The following ERC1 variants were observed in gnomAD, a reference collection of about 807,000 sequenced individuals.
The protein encoded by ERC1 is ELKS/RAB6-interacting/CAST family member 1.
Under a neutral mutation model 132.0 loss-of-function variants are expected in ERC1, and 56 were observed. The ratio of observed to expected loss-of-function variants is 0.42; its 90% CI spans 0.34 to 0.53. The LOEUF is 0.53. Ranked by LOEUF, ERC1 falls within the 20% of genes least tolerant of loss-of-function variation. The pLI is 0.03. For missense variants in ERC1, 1,202 were observed against 1,349.9 expected, an observed-to-expected ratio of 0.89 and a Z score of 1.72; for synonymous variants, 478 against 476.1, an observed-to-expected ratio of 1.00 and a Z score of -0.05.
chr12:1,236,976 T>G (rs1356646271), intron 13 of ERC1, 72 bp downstream of exon 13: 5 of 1,553,182 alleles, frequency 3.2e-6, no homozygotes, highest in Non-Finnish European at 4.4e-6. Flanking sequence ...TGTTTTTCTC[T>G]TCATCTTTAT....
At chr12:1,119,491 G>C (rs1478328307) in intron 7 of ERC1, among the ~76,000 whole-genome samples, 1 of 149,474 alleles carries the variant, frequency 6.7e-6, no homozygotes, top group Non-Finnish European at 1.5e-5. Flanking sequence ...TGACCTTAGA[G>C]GAGTTACTTT....
Position 1,444,645 on chromosome 12 carries a change from C to G in ERC1, c.3108C>G (p.Asp1036Glu), listed in dbSNP as rs750770289. 44 of 1,613,976 alleles carry G rather than the reference C, an allele frequency of 2.7e-5. No individual in the cohort carries two copies. Among genetic ancestry groups the G allele is most frequent in the Non-Finnish European group, 3.6e-5 (42 of 1,179,952 alleles). ...YIGHLTTLCH[D>E]RDPLILRGLT... is the part of the protein sequence containing the mutation. ...GACACCTGACAACCCTCTGCCATGA[C>G]CGAGACCCCCTGATCCTCCGTGGAC... The change falls in exon 18 of 19, where the codon GAC becomes GAG. Residue 1036 changes from aspartate to glutamate, a missense_variant. Physicochemically the swap from Asp to Glu is conservative, Grantham distance 45. Transcript: ENST00000360905.
intron 18 of ERC1, among the ~76,000 whole-genome samples, chr12:1,472,323 A>G (rs2093878932): frequency 6.6e-6 from 1 of 152,118 alleles, no homozygotes; most frequent in African/African-American, 2.4e-5. Context: ...AACCTTTGAA[A>G]ATGAATGGCA....
chr12:1,221,928 G>A (rs1421933315), intron 12 of ERC1, among the ~76,000 whole-genome samples: 1 of 152,136 alleles, frequency 6.6e-6, no homozygotes. Context: ...TCACTATGTG[G>A]TATCATTGTA....
intron 18 of ERC1, among the ~76,000 whole-genome samples, chr12:1,479,113 T>A (rs949983255): frequency 6.6e-6 from 1 of 152,182 alleles, no homozygotes; most frequent in Non-Finnish European, 1.5e-5. Context: ...GTAGGGTTTT[T>A]CCGTGTTCTC....
intron 16 of ERC1, among the ~76,000 whole-genome samples, chr12:1,403,865 T>C (rs1326141597): frequency 1.3e-5 from 2 of 152,238 alleles, no homozygotes; most frequent in Non-Finnish European, 2.9e-5. Flanking sequence ...ACATTCCTGT[T>C]AAAGTCAACA....
At chr12:1,284,138 TGTGA>T (rs2078880138) in intron 14 of ERC1, among the ~76,000 whole-genome samples, 1 of 152,184 alleles carries the variant, frequency 6.6e-6, no homozygotes, top group African/African-American at 2.4e-5. Flanking sequence ...AGCTCCCACG[TGTGA>T]GTGAGAACAA....
chr12:1,015,124 A>G (rs986642247), intron 1 of ERC1, among the ~76,000 whole-genome samples: 1 of 150,478 alleles, frequency 6.6e-6, no homozygotes, highest in African/African-American at 2.5e-5. Context: ...GCTGGAGTGC[A>G]GTGGCATGAT....
intron 3 of ERC1, among the ~76,000 whole-genome samples, chr12:1,103,389 T>C (rs1944894936): frequency 6.6e-6 from 1 of 151,530 alleles, no homozygotes; most frequent in African/African-American, 2.4e-5. Flanking sequence ...CATGACAGGG[T>C]TTTCAGCAGA....
At chr12:1,307,293 A>C (rs905514181) in intron 15 of ERC1, among the ~76,000 whole-genome samples, 5 of 152,174 alleles carry the variant, frequency 3.3e-5, no homozygotes, top group Non-Finnish European at 5.9e-5. Flanking sequence ...ACTTGGCATG[A>C]ATTTTCTTTC....
intron 14 of ERC1, among the ~76,000 whole-genome samples, chr12:1,272,108 T>C (rs2077899029): frequency 1.3e-5 from 2 of 152,212 alleles, no homozygotes. Flanking sequence ...TTAGAAATTA[T>C]GACCTTGGGC....
intron 3 of ERC1, among the ~76,000 whole-genome samples, chr12:1,091,996 C>G (rs868652362): frequency 5.0e-5 from 6 of 120,210 alleles, no homozygotes; most frequent in African/African-American, 1.6e-4. Flanking sequence ...GGCATTTAAT[C>G]AATTCTTTTT....
At chr12:1,183,444 T>G (rs752015004) in intron 11 of ERC1, 23 bp downstream of exon 11, 4 of 1,542,520 alleles carry the variant, frequency 2.6e-6, no homozygotes, top group Non-Finnish European at 3.5e-6. Flanking sequence ...ATTTCACATT[T>G]TTTTGCTTTG....
intron 2 of ERC1, among the ~76,000 whole-genome samples, chr12:1,075,478 G>T (rs556060123): frequency 6.6e-6 from 1 of 152,282 alleles, no homozygotes; most frequent in African/African-American, 2.4e-5. Flanking sequence ...GGATCACACG[G>T]TTAAGAGATC....
intron 17 of ERC1, among the ~76,000 whole-genome samples, chr12:1,424,259 C>T (rs1481884437): frequency 2.6e-5 from 4 of 152,080 alleles, no homozygotes; most frequent in Admixed American, 1.3e-4. Context: ...AGAGAAAAAA[C>T]TAATGATTGA....
At chr12:1,189,725 T>C (rs151042921) in intron 11 of ERC1, 134 bp from the exon 12 acceptor site, 231 of 634,198 alleles carry the variant, frequency 3.6e-4, no homozygotes, top group African/African-American at 3.3e-3. Context: ...GATAAAAACC[T>C]TATAAATTAC....
chr12:1,490,313 T>C lies in ERC1; in HGVS notation c.*83T>C. 2 of 1,398,848 alleles carry C rather than the reference T, an allele frequency of 1.4e-6. No individual in the cohort carries two copies. The highest frequency in any genetic ancestry group is 2.0e-6 in the Non-Finnish European group (2 of 1,021,072). The allele number at this position is 1,398,848 out of a possible 1,614,324, so 86.7% of individuals were successfully genotyped here. A position where few individuals can be genotyped will look rare whatever the true frequency, so the allele number is the denominator to read the frequency against. On this transcript the variant is annotated 3_prime_UTR_variant, in exon 19 of 19. Transcript: ENST00000360905. ...CGAGGAACAGGTGCCCGGAACCTTC[T>C]TGGCACCAAACACTACAAACTTCAT...
intron 15 of ERC1, among the ~76,000 whole-genome samples, chr12:1,316,303 G>A (rs2081714760): frequency 6.6e-6 from 1 of 152,016 alleles, no homozygotes; most frequent in African/African-American, 2.4e-5. Context: ...TACTTGTCAG[G>A]TTGAGACTTT....
chr12:1,099,812 G>T (rs564424927), intron 3 of ERC1, among the ~76,000 whole-genome samples: 87 of 146,216 alleles, frequency 6.0e-4, no homozygotes, highest in Non-Finnish European at 1.2e-3. Flanking sequence ...GGGGTAATAA[G>T]GATGAGCCTG....
Sources: allele counts gnomAD v4.1 joint callset (sites outside exome capture counted in the v4.1 genomes callset), GRCh38; gene constraint gnomAD v4.1.1; transcripts MANE v1.5; gene names NCBI Gene and HGNC (gene_info 2026-07-23, HGNC 2026-07-21).